FRMPD4: variants seen among roughly 807,000 people sequenced by gnomAD.
The protein encoded by FRMPD4 is FERM and PDZ domain-containing protein 4.
FRMPD4 carries 22 observed loss-of-function variants against 94.1 expected under a neutral mutation model. The ratio of observed to expected loss-of-function variants is 0.23; its 90% CI spans 0.17 to 0.33. The LOEUF (loss-of-function observed/expected upper bound fraction) is 0.33. Ranked by LOEUF, FRMPD4 falls within the 10% of genes least tolerant of loss-of-function variation. The pLI is 1.00. For missense variants in FRMPD4, 1,111 were observed against 1,339.9 expected, an observed-to-expected ratio of 0.83 and a Z score of 2.67; for synonymous variants, 631 against 548.6, an observed-to-expected ratio of 1.15 and a Z score of -2.10.
intron 3 of FRMPD4, among the ~76,000 whole-genome samples, chrX:11,906,816 TTTC>T (rs2053970817): frequency 9.0e-6 from 1 of 111,150 alleles, no homozygotes; most frequent in Non-Finnish European, 1.9e-5. Context: ...TTTCTCCTTC[TTTC>T]TTCTTCTAGC....
chrX:12,427,607 C>T (rs2056960645), intron 1 of FRMPD4, among the ~76,000 whole-genome samples: 1 of 111,655 alleles, frequency 9.0e-6, no homozygotes, highest in Non-Finnish European at 1.9e-5. Flanking sequence ...GAACAAGATG[C>T]TATTTAATTT....
chrX:12,136,606 G>A (rs1296203903), upstream of FRMPD4, among the ~76,000 whole-genome samples: 1 of 110,863 alleles, frequency 9.0e-6, no homozygotes, highest in African/African-American at 3.3e-5. Flanking sequence ...AGCCTAAGGT[G>A]GGAAGATTAC....
At chrX:12,251,661 A>G (rs2054041608) in intron 1 of FRMPD4, among the ~76,000 whole-genome samples, 1 of 111,389 alleles carries the variant, frequency 9.0e-6, no homozygotes, top group African/African-American at 3.3e-5. Context: ...TGCCTTTATG[A>G]TTTCTTGCAC....
In FRMPD4 at chrX:11,854,585, G is replaced by A. The variant is rs1026619702; in HGVS notation, c.-160-10501G>A. On this transcript the variant is annotated intron_variant, in intron 1 of 18. Transcript: ENST00000640291. ...CACCCATTCCAAATGGGAGAAATTG[G>A]CCAAAACAAAGGGGCTACAAGCCCC... Among the ~76,000 whole-genome samples, 6 of 112,285 alleles carry A rather than the reference G, an allele frequency of 5.3e-5. No individual in the cohort carries two copies. In the East Asian group the frequency reaches 1.7e-3, roughly 31 times the overall value.
chrX:12,331,946 ATATTTATATACTATATATAAATTATATAT>A (rs1569234531), intron 1 of FRMPD4, among the ~76,000 whole-genome samples: 142 of 39,804 alleles, frequency 3.6e-3, no homozygotes, highest in Non-Finnish European at 5.1e-3. Flanking sequence ...TAAATTATAT[ATATTTATATACTATATATAAATTATATAT>A]ATTTATATAC....
At chrX:12,008,398 T>A in intron 3 of FRMPD4, among the ~76,000 whole-genome samples, 1 of 111,962 alleles carries the variant, frequency 8.9e-6, no homozygotes, top group South Asian at 3.8e-4. Context: ...GGAAGCCCAG[T>A]CTGAGTTCAC....
At chrX:12,095,069 T>A (rs1164307931) in intron 3 of FRMPD4, among the ~76,000 whole-genome samples, 1 of 111,282 alleles carries the variant, frequency 9.0e-6, no homozygotes, top group Non-Finnish European at 1.9e-5. Context: ...CCCTAAGAAT[T>A]GTTGAGAAAA....
At chrX:12,274,775 C>A (rs1007767417) in intron 1 of FRMPD4, among the ~76,000 whole-genome samples, 1 of 112,198 alleles carries the variant, frequency 8.9e-6, no homozygotes, top group Non-Finnish European at 1.9e-5. Context: ...TTTGGGAGGC[C>A]GAGGCGGGCG....
At chrX:12,306,370 A>G (rs1333990508) in intron 1 of FRMPD4, among the ~76,000 whole-genome samples, 2 of 112,086 alleles carry the variant, frequency 1.8e-5, no homozygotes, top group Non-Finnish European at 3.8e-5. Context: ...CACCCTATGC[A>G]GCTCCTAGTG....
chrX:12,505,436 A>C (rs1198537309), intron 2 of FRMPD4, among the ~76,000 whole-genome samples: 1 of 110,996 alleles, frequency 9.0e-6, no homozygotes, highest in African/African-American at 3.3e-5. Context: ...GCATAAAAGA[A>C]GGAGAGCAGG....
At chrX:12,122,449 A>G (rs757764616) in intron 3 of FRMPD4, among the ~76,000 whole-genome samples, 1 of 111,798 alleles carries the variant, frequency 8.9e-6, no homozygotes, top group South Asian at 3.8e-4. Flanking sequence ...GGAAAACTGT[A>G]CAACAGGAGT....
chrX:12,531,158 A>G lies in FRMPD4; in HGVS notation c.158+32362A>G, dbSNP rs182004699. The stretch of plus-strand genomic sequence containing the variant: ...GTTTCATTAGATTCAACAAATTTCA[A>G]GAAAGAGTAGTTTCTTTGGAGAACA... On this transcript the variant is annotated intron_variant, in intron 2 of 16. Coordinates refer to ENST00000675598, the MANE Select transcript of FRMPD4 (RefSeq NM_001368397.1). 1.1e-3 allele frequency among the ~76,000 whole-genome samples: 124 copies of G among 112,571 alleles called. 1 individual carries two copies. The highest frequency in any genetic ancestry group is 2.2e-3 in the Non-Finnish European group (117 of 53,283).
intron 1 of FRMPD4, among the ~76,000 whole-genome samples, chrX:12,398,149 T>C (rs2056567282): frequency 8.9e-6 from 1 of 111,750 alleles, no homozygotes; most frequent in Non-Finnish European, 1.9e-5. Flanking sequence ...GACTGAACTT[T>C]CTCAAAATTA....
At chrX:11,850,217 TCA>T (rs1182297690) in intron 1 of FRMPD4, among the ~76,000 whole-genome samples, 2 of 111,593 alleles carry the variant, frequency 1.8e-5, no homozygotes, top group Non-Finnish European at 3.8e-5. Flanking sequence ...CAAATGAAAA[TCA>T]CAATAAGATA....
chrX:12,471,323 T>G (rs2148173413), intron 1 of FRMPD4, among the ~76,000 whole-genome samples: 1 of 112,225 alleles, frequency 8.9e-6, no homozygotes, highest in East Asian at 2.8e-4. Context: ...CAAAGCCTGT[T>G]TTTCAAGTGC....
chrX:12,660,635 T>C (rs1007134534), intron 4 of FRMPD4, among the ~76,000 whole-genome samples: 1 of 112,549 alleles, frequency 8.9e-6, no homozygotes, highest in Non-Finnish European at 1.9e-5. Context: ...TTTAAAAACA[T>C]AGTTTTCAAA....
intron 4 of FRMPD4, among the ~76,000 whole-genome samples, chrX:12,641,105 G>T (rs769512272): frequency 9.0e-6 from 1 of 111,372 alleles, no homozygotes; most frequent in Non-Finnish European, 1.9e-5. Flanking sequence ...ATTGTCTTAG[G>T]TTGGACTCCC....
chrX:11,846,146 A>C (rs1450176672), intron 1 of FRMPD4, among the ~76,000 whole-genome samples: 10 of 110,405 alleles, frequency 9.1e-5, no homozygotes, highest in Non-Finnish European at 1.5e-4. Context: ...GTCTCAGCCC[A>C]AAATCTCCTT....
At position 11,836,348 on chromosome X, in the gene FRMPD4, C is replaced by T. The variant is rs73632660; in HGVS notation, c.-161+13633C>T. The stretch of plus-strand genomic sequence containing the variant: ...CAGATAAAGGACTACTGAGATTTTT[C>T]CTTGTGAAAATTATTATTATTTCCC... On this transcript the variant is annotated intron_variant, in intron 1 of 18. Coordinates refer to the FRMPD4 transcript ENST00000640291. Among the ~76,000 whole-genome samples the T allele has an allele frequency of 1.6e-3, 179 of 111,612 alleles. 2 individuals are homozygous for T. The highest frequency in any genetic ancestry group is 5.7e-3 in the African/African-American group (174 of 30,761).
Sources: allele counts gnomAD v4.1 joint callset (sites outside exome capture counted in the v4.1 genomes callset), GRCh38; gene constraint gnomAD v4.1.1; transcripts MANE v1.5; gene names NCBI Gene and HGNC (gene_info 2026-07-23, HGNC 2026-07-21).